The following WWOX variants were observed in gnomAD, a reference collection of about 807,000 sequenced individuals.
WWOX encodes WW domain containing oxidoreductase, also known as WW domain-containing oxidoreductase.
WWOX carries 69 observed loss-of-function variants against 46.2 expected under a neutral mutation model. The ratio of observed to expected loss-of-function variants is 1.49; its 90% CI spans 1.23 to 1.82. WWOX has a LOEUF of 1.82. WWOX is among the 40% of genes most tolerant of loss of function. The pLI is 0.00. For synonymous variants in WWOX, 359 were observed against 202.6 expected (o/e 1.77, Z -6.56); for missense variants, 919 against 542.6 (o/e 1.69, Z -6.89).
intron 8 of WWOX, among the ~76,000 whole-genome samples, chr16:78,922,851 T>C (rs1232296916): frequency 1.3e-5 from 2 of 152,194 alleles, no homozygotes; most frequent in East Asian, 3.9e-4. Context: ...CTAAGTAATG[T>C]GGCCTATTTT....
chr16:78,946,355 A>C (rs1433656529), intron 8 of WWOX, among the ~76,000 whole-genome samples: 1 of 151,848 alleles, frequency 6.6e-6, no homozygotes, highest in Non-Finnish European at 1.5e-5. Context: ...ATGCCCAGCT[A>C]ATTTTTTGTA....
chr16:78,838,653 C>T (rs755613320), intron 8 of WWOX, among the ~76,000 whole-genome samples: 2 of 152,078 alleles, frequency 1.3e-5, no homozygotes, highest in Non-Finnish European at 2.9e-5. Context: ...ACCAGCCTGA[C>T]CAATATAGTG....
intron 8 of WWOX, among the ~76,000 whole-genome samples, chr16:78,466,341 A>G (rs550012901): frequency 6.6e-6 from 1 of 152,146 alleles, no homozygotes; most frequent in Non-Finnish European, 1.5e-5. Context: ...ATTGGGTACA[A>G]GTTTCCTTTG....
intron 8 of WWOX, among the ~76,000 whole-genome samples, chr16:78,882,901 T>G (rs1052411139): frequency 6.6e-6 from 1 of 151,456 alleles, no homozygotes; most frequent in Non-Finnish European, 1.5e-5. Context: ...TGACACAAAC[T>G]GGAACAGAGC....
chr16:78,379,837 C>T (rs544800666), intron 5 of WWOX, among the ~76,000 whole-genome samples: 2 of 152,284 alleles, frequency 1.3e-5, no homozygotes, highest in African/African-American at 4.8e-5. Context: ...GTCCTATGTT[C>T]TAAAGGCCTG....
At chr16:78,676,980 C>G (rs2047615309) in intron 8 of WWOX, among the ~76,000 whole-genome samples, 1 of 151,162 alleles carries the variant, frequency 6.6e-6, no homozygotes, top group African/African-American at 2.4e-5. Context: ...ACTATTTTGC[C>G]AAATGCATTT....
intron 8 of WWOX, among the ~76,000 whole-genome samples, chr16:78,851,710 T>C (rs1227809641): frequency 6.6e-6 from 1 of 152,192 alleles, no homozygotes; most frequent in African/African-American, 2.4e-5. Context: ...TATAAAACAA[T>C]TTTTTATTTT....
chr16:78,209,038 G>A (rs978521696), intron 5 of WWOX, among the ~76,000 whole-genome samples: 1 of 152,080 alleles, frequency 6.6e-6, no homozygotes, highest in Non-Finnish European at 1.5e-5. Flanking sequence ...GCTTGTATTT[G>A]AATGTATATA....
At chr16:79,168,770 C>T (rs972590252) in intron 8 of WWOX, among the ~76,000 whole-genome samples, 3 of 152,246 alleles carry the variant, frequency 2.0e-5, no homozygotes, top group South Asian at 4.2e-4. Context: ...TTCCAGTTTC[C>T]CAAGATCCCG....
chr16:78,525,726 C>G (rs957694404), intron 8 of WWOX: 2 of 151,872 alleles, frequency 1.3e-5, no homozygotes, highest in African/African-American at 4.8e-5. Flanking sequence ...CTACCATAAG[C>G]TACTAGGGCC....
At chr16:78,647,871 C>G (rs188353058) in intron 8 of WWOX, among the ~76,000 whole-genome samples, 2 of 151,494 alleles carry the variant, frequency 1.3e-5, no homozygotes, top group East Asian at 2.0e-4. Context: ...CTTTTTTTCT[C>G]TCTCACTCTG....
At chr16:78,589,107 T>C (rs927015338) in intron 8 of WWOX, among the ~76,000 whole-genome samples, 5 of 152,212 alleles carry the variant, frequency 3.3e-5, no homozygotes, top group Non-Finnish European at 5.9e-5. Context: ...CCTCAACCAA[T>C]TGTATTTTAG....
intron 8 of WWOX, among the ~76,000 whole-genome samples, chr16:78,575,533 T>G (rs139767633): frequency 1.1e-4 from 17 of 152,074 alleles, no homozygotes; most frequent in African/African-American, 4.1e-4. Context: ...TCCTAAGATC[T>G]TGTGACTTCA....
At chr16:78,491,202 A>T (rs2151461617) in intron 8 of WWOX, among the ~76,000 whole-genome samples, 1 of 152,140 alleles carries the variant, frequency 6.6e-6, no homozygotes, top group East Asian at 1.9e-4. Context: ...GCCTTCCCAG[A>T]CCTTTACTCA....
chr16:78,491,090 C>A (rs1311652708), intron 8 of WWOX, among the ~76,000 whole-genome samples: 4 of 152,186 alleles, frequency 2.6e-5, no homozygotes, highest in Non-Finnish European at 5.9e-5. Flanking sequence ...GCCAGCTGTG[C>A]CCTCTCCCCG....
rs138519135 is a variant in WWOX at position 78,706,493 on chromosome 16, T to C, written c.1056+273741T>C. ...TTTCCTGGGGCTCTTCCTCTCCTCTTTTTGAAGCTTTTCATTTCCCTTTAT... is the reference window on the plus strand; with the variant it reads ...TTTCCTGGGGCTCTTCCTCTCCTCTCTTTGAAGCTTTTCATTTCCCTTTAT... On this transcript the variant is annotated intron_variant, in intron 8 of 8. Transcript: ENST00000566780. 1.4e-3 allele frequency among the ~76,000 whole-genome samples: 210 copies of C among 152,284 alleles called. 3 individuals are homozygous for C. The East Asian group carries it at 0.035, about 26-fold the overall frequency.
intron 5 of WWOX, among the ~76,000 whole-genome samples, chr16:78,230,245 C>G (rs547541961): frequency 1.4e-4 from 21 of 152,306 alleles, no homozygotes; most frequent in Admixed American, 1.1e-3. Flanking sequence ...TTTGTGAAAA[C>G]ATTTGAATCA....
chr16:78,384,532 A>G (rs906780044), intron 5 of WWOX, among the ~76,000 whole-genome samples: 1 of 152,022 alleles, frequency 6.6e-6, no homozygotes, highest in Admixed American at 6.6e-5. Flanking sequence ...TGACTTCACC[A>G]CATGCCTTCA....
intron 8 of WWOX, among the ~76,000 whole-genome samples, chr16:78,636,006 C>G (rs1382585584): frequency 2.0e-5 from 3 of 152,152 alleles, no homozygotes; most frequent in Non-Finnish European, 4.4e-5. Flanking sequence ...CTCATCCTGC[C>G]AACACGAAGG....
Sources: gnomAD v4.1 joint callset for allele counts (sites outside exome capture counted in the v4.1 genomes callset) on GRCh38, gnomAD v4.1.1 for gene constraint, MANE v1.5 for transcripts, NCBI Gene and HGNC (gene_info 2026-07-23, HGNC 2026-07-21) for gene names.